Variants in ARHGEF11 observed in about 807,000 individuals in gnomAD.
ARHGEF11 encodes Rho guanine exchange factor (GEF) 11.
A neutral mutation model predicts 193.7 loss-of-function variants in ARHGEF11; 55 were observed. The observed-to-expected ratio is 0.28, with a 90% CI of 0.23 to 0.36. ARHGEF11 has a LOEUF of 0.36. Ranked by LOEUF, ARHGEF11 falls within the 10% of genes least tolerant of loss-of-function variation. ARHGEF11 has a pLI of 1.00. For missense variants in ARHGEF11, 1,723 were observed against 2,005.6 expected, an observed-to-expected ratio of 0.86 and a Z score of 2.69; for synonymous variants, 693 against 768.0, an observed-to-expected ratio of 0.90 and a Z score of 1.62.
At chr1:156,977,112 T>C in intron 6 of ARHGEF11, 58 bp from the exon 7 acceptor site, 1 of 1,443,248 alleles carries the variant, frequency 6.9e-7, no homozygotes, top group Non-Finnish European at 9.8e-7. Context: ...AGCTTAGCTC[T>C]CTTCTATCTG....
At chr1:156,984,504 C>A in intron 2 of ARHGEF11, 67 bp from the exon 3 acceptor site, 4 of 1,208,076 alleles carry the variant, frequency 3.3e-6, no homozygotes, top group South Asian at 1.4e-5. Context: ...ATGCCAAGAC[C>A]AACCCAGGGA....
intron 4 of ARHGEF11, 75 bp from the exon 5 acceptor site, chr1:156,979,361 C>CT (rs36031299): frequency 0.17 from 85,709 of 496,810 alleles, 3,302 homozygotes; most frequent in African/African-American, 0.28. Context: ...CAAAATGCCA[C>CT]TTTTTTTTTT....
At chr1:156,982,244 T>A (rs965924112) in intron 3 of ARHGEF11, among the ~76,000 whole-genome samples, 2 of 152,112 alleles carry the variant, frequency 1.3e-5, no homozygotes, top group Admixed American at 6.5e-5. Context: ...GAGCAGAAAT[T>A]CTCAGACTTC....
chr1:156,943,907 G>A, intron 32 of ARHGEF11, 28 bp downstream of exon 32: 1 of 1,593,860 alleles, frequency 6.3e-7, no homozygotes, highest in Non-Finnish European at 8.6e-7. Context: ...CTGAGCCCCA[G>A]GCCAGCCTGG....
rs562334932 is a variant in ARHGEF11 at position 156,955,529 on chromosome 1, T to C, written c.1768+174A>G. On this transcript the variant is annotated intron_variant, in intron 20 of 40. Coordinates refer to ENST00000368194, the MANE Select transcript of ARHGEF11 (RefSeq NM_198236.3). ...CTTCCCTGGCTCGGAAACATTCACC[T>C]GAACCTCAGAGATCCTGCACTGGAT... is the stretch of plus-strand genomic sequence containing the variant. 7.0e-4 allele frequency among the ~76,000 whole-genome samples: 106 copies of C among 152,282 alleles called. No homozygotes were observed. Among genetic ancestry groups the C allele is most frequent in the African/African-American group, 2.4e-3 (100 of 41,554 alleles).
chr1:156,964,939 T>C (rs911344172), intron 11 of ARHGEF11, among the ~76,000 whole-genome samples: 1 of 152,282 alleles, frequency 6.6e-6, no homozygotes, highest in Non-Finnish European at 1.5e-5. Context: ...TCTTTAGAAA[T>C]ACATATTCTT....
intron 6 of ARHGEF11, among the ~76,000 whole-genome samples, chr1:156,977,882 C>A (rs1663482333): frequency 6.6e-6 from 1 of 152,172 alleles, no homozygotes; most frequent in African/African-American, 2.4e-5. Context: ...GCATTCTGCC[C>A]CTGCCTGAAG....
chr1:157,034,777 C>T (rs975917078), intron 1 of ARHGEF11, among the ~76,000 whole-genome samples: 9 of 152,294 alleles, frequency 5.9e-5, no homozygotes, highest in Admixed American at 1.3e-4. Context: ...TAACAGTCTA[C>T]CACGTGCTAG....
intron 1 of ARHGEF11, among the ~76,000 whole-genome samples, chr1:157,027,650 A>G (rs1006792107): frequency 6.6e-6 from 1 of 152,172 alleles, no homozygotes; most frequent in Admixed American, 6.5e-5. Context: ...GAATTTTCCA[A>G]AAGTAACTGC....
chr1:156,942,621 T>C (rs1270012299), intron 33 of ARHGEF11, 69 bp downstream of exon 33: 6 of 1,449,402 alleles, frequency 4.1e-6, no homozygotes, highest in Non-Finnish European at 5.8e-6. Context: ...TGCTACCCAC[T>C]GTCCTCATAA....
rs116897090 is a variant in ARHGEF11, at chr1:157,025,068, A to G, written c.32+19231T>C. 6.6e-4 allele frequency among the ~76,000 whole-genome samples: 100 copies of G among 152,348 alleles called. No homozygotes were observed. In the East Asian group the frequency reaches 0.018, roughly 28 times the overall value. On this transcript the variant is annotated intron_variant, in intron 1 of 40. Coordinates refer to ENST00000368194, the MANE Select transcript of ARHGEF11 (RefSeq NM_198236.3). ...TGTCTAGCACAGTGCAGGCACATCA[A>G]CTTAGGATCAATGAACATCTCTTGC... is the stretch of plus-strand genomic sequence containing the variant.
chr1:156,986,322 G>A, intron 1 of ARHGEF11, 149 bp from the exon 2 acceptor site: 1 of 604,134 alleles, frequency 1.7e-6, no homozygotes, highest in Admixed American at 2.8e-5. Flanking sequence ...TAGGACATTA[G>A]CCATGTGTAC....
chr1:156,945,911 C>T (rs150549385), intron 29 of ARHGEF11, 134 bp downstream of exon 29: 10 of 666,456 alleles, frequency 1.5e-5, no homozygotes, highest in Admixed American at 2.7e-5. Context: ...TCTGAAACAC[C>T]CCACAACAGA....
At chr1:157,025,799 C>A (rs1342949204) in intron 1 of ARHGEF11, among the ~76,000 whole-genome samples, 3 of 152,044 alleles carry the variant, frequency 2.0e-5, no homozygotes, top group Non-Finnish European at 4.4e-5. Context: ...CTATGGGAAC[C>A]CAGGCAGAAG....
intron 1 of ARHGEF11, among the ~76,000 whole-genome samples, chr1:157,030,662 G>A (rs1254578296): frequency 1.3e-5 from 2 of 151,964 alleles, no homozygotes; most frequent in Non-Finnish European, 2.9e-5. Flanking sequence ...AACAGCACTA[G>A]GTTAGGGCTC....
chr1:156,945,992 G>C, intron 29 of ARHGEF11, 53 bp downstream of exon 29: 1 of 1,434,960 alleles, frequency 7.0e-7, no homozygotes, highest in South Asian at 1.2e-5. Context: ...GTCAGAATGA[G>C]GGTCTGGCAC....
At position 156,959,843 on chromosome 1, in the gene ARHGEF11, G is replaced by A. The variant is rs143797328; in HGVS notation, c.1282+575C>T. 7.9e-3 allele frequency among the ~76,000 whole-genome samples: 1,202 copies of A among 151,934 alleles called. 12 individuals are homozygous for A. The highest frequency in any genetic ancestry group is 0.027 in the African/African-American group (1,114 of 41,408). ...TCATGATTAGAAGGAGAAGGGAGAC[G>A]GGCACCATCTAGCCTGCCTGGTCCT... On this transcript the variant is annotated intron_variant, in intron 15 of 40. Coordinates refer to ENST00000368194, the MANE Select transcript of ARHGEF11 (RefSeq NM_198236.3).
chr1:156,943,903 C>G (rs1243031841), intron 32 of ARHGEF11, 32 bp downstream of exon 32: 2 of 1,588,574 alleles, frequency 1.3e-6, no homozygotes, highest in Admixed American at 3.5e-5. Context: ...GTCCCTGAGC[C>G]CCAGGCCAGC....
In ARHGEF11 at chr1:156,941,900, G is replaced by C. The variant is rs770300084; in HGVS notation, c.3416C>G (p.Pro1139Arg). 1.2e-6 allele frequency: 2 copies of C among 1,613,676 alleles called. No homozygotes were observed. The highest frequency in any genetic ancestry group is 1.7e-6 in the Non-Finnish European group (2 of 1,179,802). ...GGGGCCCTGCTGGGCTGGCTCCCGGGGACCTGGGGGTGGAGGATGGACGGG... is the reference window on the plus strand; with the variant it reads ...GGGGCCCTGCTGGGCTGGCTCCCGGCGACCTGGGGGTGGAGGATGGACGGG... ...PMPVHPPPPGPREPAQQGPTP... is the reference protein window; with the variant it reads ...PMPVHPPPPGRREPAQQGPTP... Residue 1139 changes from proline to arginine, a missense_variant, in exon 34 of 41, where the codon CCC (proline) becomes CGC (arginine). This residue lies in a region of ARHGEF11 where 203 missense variants were observed against 237.3 expected (regional missense o/e 0.86). Transcript: ENST00000368194.
Sources: allele counts gnomAD v4.1 joint callset (sites outside exome capture counted in the v4.1 genomes callset), GRCh38; gene constraint gnomAD v4.1.1; regional missense constraint gnomAD v4.1.1; transcripts MANE v1.5; gene names NCBI Gene and HGNC (gene_info 2026-07-23, HGNC 2026-07-21).